Variants in ITIH5 observed in about 807,000 individuals in gnomAD.
The protein encoded by ITIH5 is inter-alpha-trypsin inhibitor heavy chain H5.
In ITIH5, 65 loss-of-function variants were observed where a neutral mutation model predicts 77.5. That is an observed-to-expected ratio of 0.84 (90% CI 0.69 to 1.03). The LOEUF is 1.03. ITIH5 is among the 50% of genes least tolerant of loss of function. The probability of loss-of-function intolerance (pLI) is 0.00; values close to 1 mark genes in which losing one functional copy is unlikely to be tolerated. For synonymous variants in ITIH5, 525 were observed against 494.3 expected (o/e 1.06, Z -0.82); for missense variants, 1,208 against 1,213.1 (o/e 1.00, Z 0.06).
At chr10:7,575,668 A>C (rs1334881543) in intron 10 of ITIH5, among the ~76,000 whole-genome samples, 5 of 152,184 alleles carry the variant, frequency 3.3e-5, no homozygotes, top group Admixed American at 6.5e-5. Context: ...ACTGACATGG[A>C]AAGACCGGAT....
chr10:7,591,435 T>C (rs1169770867), intron 7 of ITIH5, among the ~76,000 whole-genome samples: 2 of 152,168 alleles, frequency 1.3e-5, no homozygotes, highest in Non-Finnish European at 2.9e-5. Context: ...TCACTTGATA[T>C]GTCCCCTCCT....
chr10:7,563,753 T>C (rs1358921482), intron 13 of ITIH5, among the ~76,000 whole-genome samples: 1 of 152,236 alleles, frequency 6.6e-6, no homozygotes, highest in Non-Finnish European at 1.5e-5. Context: ...GCCCGCCTCC[T>C]TTCTATCCGT....
chr10:7,566,850 A>G (rs7100773), intron 12 of ITIH5, among the ~76,000 whole-genome samples: 24 of 16,364 alleles, frequency 1.5e-3, no homozygotes, highest in Middle Eastern at 0.028. Context: ...AAGAGGAAGA[A>G]GAAGAAGAAG....
At position 7,654,369 on chromosome 10, in the gene ITIH5, T is replaced by C. The variant is rs1006295972; in HGVS notation, c.135+1262A>G. ...ATGAATCTCTGGTGTTTCTGCACAA[T>C]TTGCAAGCAGAGACTCTAGCTGCCT... On this transcript the variant is annotated intron_variant, in intron 2 of 13. Transcript: ENST00000397146. 9.8e-5 allele frequency among the ~76,000 whole-genome samples: 15 copies of C among 152,344 alleles called. No individual in the cohort carries two copies. In the East Asian group the frequency reaches 1.5e-3, roughly 16 times the overall value.
At chr10:7,659,886 C>T (rs574488485) in intron 1 of ITIH5, among the ~76,000 whole-genome samples, 1 of 152,230 alleles carries the variant, frequency 6.6e-6, no homozygotes, top group South Asian at 2.1e-4. Flanking sequence ...GTTAAGAATT[C>T]CTGATCCTTT....
intron 5 of ITIH5, among the ~76,000 whole-genome samples, chr10:7,627,302 A>AG (rs972581097): frequency 7.6e-6 from 1 of 131,372 alleles, no homozygotes; most frequent in African/African-American, 3.3e-5. Flanking sequence ...TTAAAGTAAA[A>AG]GAAAAAAAAG....
chr10:7,610,438 G>C (rs1168670135), intron 7 of ITIH5, among the ~76,000 whole-genome samples: 2 of 152,160 alleles, frequency 1.3e-5, no homozygotes, highest in Admixed American at 1.3e-4. Context: ...AATAGTTCAA[G>C]TAATTATTAA....
At chr10:7,603,311 T>G (rs143715495) in intron 7 of ITIH5, among the ~76,000 whole-genome samples, 1 of 152,148 alleles carries the variant, frequency 6.6e-6, no homozygotes, top group African/African-American at 2.4e-5. Context: ...CCGCACACTG[T>G]GTAACTCCAT....
At position 7,596,395 on chromosome 10, in the gene ITIH5, AGCT is replaced by A. The variant is rs984063233; in HGVS notation, c.940-10329_940-10327del. ...AGTCAAGGGAGCCCACGGAAGAGCC[AGCT>A]GCGGCCCACGGCTTCCTCCCACTTC... On this transcript the variant is annotated intron_variant, in intron 7 of 13. Coordinates refer to ENST00000397146, the MANE Select transcript of ITIH5 (RefSeq NM_030569.7). Among the ~76,000 whole-genome samples, 3 of 152,220 alleles carry A rather than the reference AGCT, an allele frequency of 2.0e-5. No individual in the cohort carries two copies. In the South Asian group the frequency reaches 6.2e-4, roughly 32 times the overall value.
intron 1 of ITIH5, among the ~76,000 whole-genome samples, chr10:7,662,515 T>G (rs1168637803): frequency 6.6e-6 from 1 of 152,210 alleles, no homozygotes; most frequent in Non-Finnish European, 1.5e-5. Context: ...CCTACTCCAC[T>G]GCTCCTCAGA....
intron 4 of ITIH5, 148 bp from the exon 5 acceptor site, chr10:7,637,626 A>C (rs1833823902): frequency 7.7e-6 from 6 of 779,716 alleles, no homozygotes; most frequent in Non-Finnish European, 1.2e-5. Context: ...AGAAAGGAAA[A>C]ATAAAAATTC....
intron 7 of ITIH5, among the ~76,000 whole-genome samples, chr10:7,595,643 G>A (rs1398739881): frequency 2.0e-5 from 3 of 152,262 alleles, no homozygotes; most frequent in African/African-American, 7.2e-5. Flanking sequence ...CTCCATCTTA[G>A]ATTTACTATT....
At chr10:7,652,264 C>T (rs1439416799) in intron 2 of ITIH5, among the ~76,000 whole-genome samples, 2 of 152,160 alleles carry the variant, frequency 1.3e-5, no homozygotes, top group Non-Finnish European at 2.9e-5. Context: ...CTGTTGCCAT[C>T]CACATTCTAT....
At chr10:7,605,225 A>G (rs986613032) in intron 7 of ITIH5, among the ~76,000 whole-genome samples, 1 of 151,154 alleles carries the variant, frequency 6.6e-6, no homozygotes, top group African/African-American at 2.4e-5. Flanking sequence ...CGCTTTGCAC[A>G]TGTCACGCAT....
rs1365783556 is a variant in ITIH5 at position 7,559,856 on chromosome 10, T to C, written c.*3227A>G. ...TCTCTCCCATGTCTTTTTTTTGTTTTGTTTTGTTTTTTTTTGACGGAGTTT... is the reference window on the plus strand; with the variant it reads ...TCTCTCCCATGTCTTTTTTTTGTTTCGTTTTGTTTTTTTTTGACGGAGTTT... On this transcript the variant is annotated 3_prime_UTR_variant, in exon 14 of 14. Coordinates refer to ENST00000397146, the MANE Select transcript of ITIH5 (RefSeq NM_030569.7). The C allele has an allele frequency of 4.5e-6, 2 of 449,024 alleles. No homozygotes were observed. Among genetic ancestry groups the C allele is most frequent in the East Asian group, 1.4e-4 (2 of 14,296 alleles). 27.8% of individuals were successfully genotyped at this position (449,024 alleles called of 1,614,324 possible).
In ITIH5 at chr10:7,576,747, G is replaced by A. The variant is rs1319200486; in HGVS notation, c.1684C>T (p.Pro562Ser). The A allele has an allele frequency of 6.2e-7, 1 of 1,613,762 alleles. No individual in the cohort carries two copies. Among genetic ancestry groups the A allele is most frequent in the Non-Finnish European group, 8.5e-7 (1 of 1,179,932 alleles). The change falls in exon 10 of 14, where the codon CCT becomes TCT. Residue 562 changes from proline to serine, a missense_variant. Physicochemically the swap from Pro to Ser is moderately conservative, Grantham distance 74. Transcript: ENST00000397146. ...GTGTCCCCCTCTCCATCGCCTCCAG[G>A]CCTGGGGCTTCCTGTGACATCTTTC... ...AGKDVTGSPR[P>S]GGDGEGDTNH... is the part of the protein sequence containing the mutation.
At chr10:7,574,706 T>C (rs985096673) in intron 10 of ITIH5, among the ~76,000 whole-genome samples, 7 of 143,414 alleles carry the variant, frequency 4.9e-5, no homozygotes, top group African/African-American at 8.0e-5. Context: ...GGCAGGAGAA[T>C]AGCGTGAACC....
chr10:7,635,514 AT>A (rs1325502865), intron 5 of ITIH5, among the ~76,000 whole-genome samples: 10 of 152,080 alleles, frequency 6.6e-5, no homozygotes, highest in African/African-American at 2.4e-4. Flanking sequence ...CCTTGACAAT[AT>A]TTTTGCTTTT....
chr10:7,666,647 G>A, intron 1 of ITIH5, among the ~76,000 whole-genome samples, 156 bp downstream of exon 1: 1 of 152,154 alleles, frequency 6.6e-6, no homozygotes, highest in Non-Finnish European at 1.5e-5. Flanking sequence ...CTCACACAGA[G>A]GTGACGCACG....
Sources: gnomAD v4.1 joint callset for allele counts (sites outside exome capture counted in the v4.1 genomes callset) on GRCh38, gnomAD v4.1.1 for gene constraint, MANE v1.5 for transcripts, NCBI Gene and HGNC (gene_info 2026-07-23, HGNC 2026-07-21) for gene names.